EPM2A: variants seen among roughly 807,000 people sequenced by gnomAD.
EPM2A encodes the protein EPM2A glucan phosphatase, laforin.
Under a neutral mutation model 26.5 loss-of-function variants are expected in EPM2A, and 21 were observed. The observed-to-expected ratio is 0.79, with a 90% confidence interval of 0.56 to 1.14. EPM2A has a LOEUF of 1.14. Ranked by LOEUF, EPM2A falls within the 50% of genes most tolerant of loss-of-function variation. The pLI is 0.00. For synonymous variants in EPM2A, 217 were observed against 177.6 expected, an observed-to-expected ratio of 1.22 and a Z score of -1.76; for missense variants, 458 against 440.8, an observed-to-expected ratio of 1.04 and a Z score of -0.35.
At chr6:145,663,398 G>A (rs1212445005) in intron 2 of EPM2A, among the ~76,000 whole-genome samples, 2 of 152,230 alleles carry the variant, frequency 1.3e-5, no homozygotes, top group East Asian at 1.9e-4. Context: ...GCCAGTGGGT[G>A]CACGCACCGT....
Position 145,664,589 on chromosome 6 carries a change from T to C in EPM2A, c.476+21533A>G, listed in dbSNP as rs374699936. 2.9e-4 allele frequency among the ~76,000 whole-genome samples: 44 copies of C among 150,948 alleles called. 2 individuals carry two copies. The South Asian group carries it at 7.4e-3, about 25-fold the overall frequency. ...GGAGACTTTAACACCCCACTGTCAATATTAGACAGATCAACGAGACAGAAA... is the reference window on the plus strand; with the variant it reads ...GGAGACTTTAACACCCCACTGTCAACATTAGACAGATCAACGAGACAGAAA... On this transcript the variant is annotated intron_variant, in intron 2 of 3. Coordinates refer to ENST00000367519, the MANE Select transcript of EPM2A (RefSeq NM_005670.4).
At chr6:145,457,893 A>T (rs1463672674) in intron 4 of EPM2A, among the ~76,000 whole-genome samples, 1 of 152,250 alleles carries the variant, frequency 6.6e-6, no homozygotes, top group Non-Finnish European at 1.5e-5. Context: ...TTCAAATACA[A>T]ATGTAATACT....
intron 2 of EPM2A, among the ~76,000 whole-genome samples, chr6:145,503,549 C>A (rs1779925664): frequency 1.2e-5 from 1 of 85,892 alleles, no homozygotes; most frequent in Admixed American, 1.2e-4. Flanking sequence ...ATGTGAAGGA[C>A]CTCTTCAAGG....
chr6:145,628,124 C>G (rs1387962932), intron 3 of EPM2A: 1 of 221,074 alleles, frequency 4.5e-6, no homozygotes, highest in African/African-American at 2.3e-5. Context: ...TATCTTCCAG[C>G]TAAATGTAAA....
chr6:145,539,964 A>G (rs1455990552), intron 2 of EPM2A, among the ~76,000 whole-genome samples: 1 of 152,168 alleles, frequency 6.6e-6, no homozygotes, highest in Non-Finnish European at 1.5e-5. Context: ...AACTCGAAAC[A>G]GCTACTATGA....
In EPM2A at chr6:145,387,549, C is replaced by T. The variant is rs779465890; in HGVS notation, c.556-3452G>A. On this transcript the variant is annotated intron_variant, in intron 4 of 4. Transcript: ENST00000638717. ...TTTGTCAGGCACCAGAGGGAGAACC[C>T]GATGTCTTGGTTCTTTGTCCTTGTC... 5.7e-4 allele frequency among the ~76,000 whole-genome samples: 87 copies of T among 152,122 alleles called. 1 individual carries two copies. Among genetic ancestry groups the T allele is most frequent in the East Asian group, 1.9e-4 (1 of 5,146 alleles).
chr6:145,436,547 G>A (rs1053039052), intron 4 of EPM2A, among the ~76,000 whole-genome samples: 23 of 152,184 alleles, frequency 1.5e-4, no homozygotes, highest in South Asian at 4.2e-4. Context: ...AGGGGGTGTC[G>A]AGTGCCATCT....
chr6:145,586,688 C>A (rs1414155333), intron 2 of EPM2A, among the ~76,000 whole-genome samples: 1 of 151,998 alleles, frequency 6.6e-6, no homozygotes, highest in Non-Finnish European at 1.5e-5. Context: ...ATGGTGTTCC[C>A]CAAAACGATC....
intron 2 of EPM2A, among the ~76,000 whole-genome samples, chr6:145,528,982 G>A (rs370294014): frequency 4.6e-5 from 7 of 152,112 alleles, no homozygotes; most frequent in African/African-American, 1.4e-4. Flanking sequence ...GATTCAAATC[G>A]TCAGTGGAGG....
chr6:145,709,411 C>T (rs1583098561), intron 1 of EPM2A, among the ~76,000 whole-genome samples: 1 of 152,222 alleles, frequency 6.6e-6, no homozygotes, highest in Non-Finnish European at 1.5e-5. Flanking sequence ...ATCCTGTTCT[C>T]GTGCTAGTGA....
intron 1 of EPM2A, 49 bp downstream of exon 1, chr6:145,735,149 G>T (rs900661886): frequency 5.7e-6 from 8 of 1,391,892 alleles, no homozygotes; most frequent in Non-Finnish European, 6.7e-6. Context: ...TTGGGGGTGC[G>T]GGCCGGAGCT....
chr6:145,508,141 C>A (rs1318213173), intron 2 of EPM2A, among the ~76,000 whole-genome samples: 1 of 152,202 alleles, frequency 6.6e-6, no homozygotes, highest in Admixed American at 6.5e-5. Flanking sequence ...TCATCTCTCA[C>A]CCCCAGCTTT....
At chr6:145,724,344 T>C (rs1448214048) in intron 1 of EPM2A, among the ~76,000 whole-genome samples, 1 of 152,222 alleles carries the variant, frequency 6.6e-6, no homozygotes, top group South Asian at 2.1e-4. Flanking sequence ...CTATTTAAAA[T>C]AGCATACCAA....
At chr6:145,511,133 A>C (rs190076535) in intron 2 of EPM2A, among the ~76,000 whole-genome samples, 106 of 152,124 alleles carry the variant, frequency 7.0e-4, no homozygotes, top group Non-Finnish European at 1.1e-3. Flanking sequence ...CCCTGGACCA[A>C]AATCAGAAAA....
At chr6:145,472,409 T>A (rs1391664470) in intron 4 of EPM2A, among the ~76,000 whole-genome samples, 4 of 151,730 alleles carry the variant, frequency 2.6e-5, no homozygotes, top group Non-Finnish European at 5.9e-5. Context: ...GACTTTGTTT[T>A]GCACCTTAGG....
intron 1 of EPM2A, among the ~76,000 whole-genome samples, chr6:145,697,481 G>C (rs940735194): frequency 1.3e-5 from 2 of 152,162 alleles, no homozygotes; most frequent in Non-Finnish European, 2.9e-5. Context: ...CAGGGTTTGA[G>C]AGCAGACAAC....
chr6:145,727,760 C>T (rs1046702659), intron 1 of EPM2A, among the ~76,000 whole-genome samples: 2 of 152,184 alleles, frequency 1.3e-5, no homozygotes, highest in Non-Finnish European at 2.9e-5. Context: ...CTACTCTACT[C>T]ATTCTTCTTG....
At chr6:145,490,119 A>G in intron 4 of EPM2A, 1 of 1,177,460 alleles carries the variant, frequency 8.5e-7, no homozygotes, top group South Asian at 1.5e-5. Context: ...ATAGTCATTG[A>G]TATGTCACAG....
chr6:145,392,269 A>T (rs983206707), intron 4 of EPM2A, among the ~76,000 whole-genome samples: 9 of 152,144 alleles, frequency 5.9e-5, no homozygotes, highest in Non-Finnish European at 1.3e-4. Flanking sequence ...AGAACTCTAA[A>T]CATGTTCTGG....
Sources: gnomAD v4.1 joint callset for allele counts (sites outside exome capture counted in the v4.1 genomes callset) on GRCh38, gnomAD v4.1.1 for gene constraint, MANE v1.5 for transcripts, NCBI Gene and HGNC (gene_info 2026-07-23, HGNC 2026-07-21) for gene names.